The following CACNA1B variants were observed in gnomAD, a reference collection of about 807,000 sequenced individuals.
CACNA1B encodes the protein voltage-dependent N-type calcium channel subunit alpha-1B.
A neutral mutation model predicts 247.2 loss-of-function variants in CACNA1B; 70 were observed. The observed-to-expected ratio is 0.28, with a 90% confidence interval of 0.23 to 0.35. The LOEUF (loss-of-function observed/expected upper bound fraction) is 0.35, where lower values mean the gene tolerates loss of function less well. CACNA1B is among the 10% of genes least tolerant of loss of function. The pLI is 1.00. For synonymous variants in CACNA1B, 1,231 were observed against 1,294.4 expected (o/e 0.95, Z 1.05); for missense variants, 2,367 against 3,197.4 (o/e 0.74, Z 6.26).
intron 12 of CACNA1B, among the ~76,000 whole-genome samples, chr9:137,978,823 G>A (rs1260094337): frequency 6.6e-6 from 1 of 152,166 alleles, no homozygotes; most frequent in Admixed American, 6.5e-5. Context: ...GGGTGAGCCT[G>A]GCTTTCTGGC....
intron 42 of CACNA1B, among the ~76,000 whole-genome samples, chr9:138,116,135 C>T (rs1035675860): frequency 3.9e-5 from 6 of 152,238 alleles, no homozygotes; most frequent in Admixed American, 2.6e-4. Context: ...CTCATCGGCC[C>T]TCCGTGCCAG....
In CACNA1B at chr9:137,971,317, G is replaced by A. The variant is rs1958144556; in HGVS notation, c.1334-66G>A. The A allele has an allele frequency of 5.1e-6, 6 of 1,172,908 alleles. No individual in the cohort carries two copies. The highest frequency in any genetic ancestry group is 1.9e-4 in the Middle Eastern group (1 of 5,248). 72.7% of individuals were successfully genotyped at this position (1,172,908 alleles called of 1,614,324 possible). A position where few individuals can be genotyped will look rare whatever the true frequency, so the allele number is the denominator to read the frequency against. On this transcript the variant is annotated intron_variant, in intron 10 of 46. Transcript: ENST00000371372. This position sits in a 1 kb window ranked among gnomAD's most constrained non-coding sequence, Gnocchi z 4.4. ...TGTCCTCCAGAGTGCGTCTGTGGGG[G>A]TCCACAGGTGGGGTAGGCGGGTGCC...
intron 31 of CACNA1B, among the ~76,000 whole-genome samples, chr9:138,064,267 G>T (rs1589106495): frequency 1.3e-5 from 2 of 152,174 alleles, no homozygotes; most frequent in East Asian, 3.9e-4. Context: ...TCTGGATCCA[G>T]TGTGCAATTT....
intron 15 of CACNA1B, among the ~76,000 whole-genome samples, chr9:137,987,160 G>C (rs1958373910): frequency 6.6e-6 from 1 of 152,166 alleles, no homozygotes; most frequent in Non-Finnish European, 1.5e-5. Context: ...CTTAGCTCCT[G>C]AGACTTGCAT....
At chr9:138,068,724 G>A in intron 31 of CACNA1B, 1 of 477,518 alleles carries the variant, frequency 2.1e-6, no homozygotes, top group Non-Finnish European at 4.2e-6. Context: ...TTTCCAAGAG[G>A]GGCGGGAACT....
intron 10 of CACNA1B, among the ~76,000 whole-genome samples, chr9:137,960,398 C>A (rs1443892483): frequency 2.8e-4 from 9 of 31,658 alleles, no homozygotes; most frequent in Non-Finnish European, 4.4e-4. Flanking sequence ...GTTGGCCTGA[C>A]TGGGGGGGAG....
At chr9:138,080,682 A>T (rs1030636309) in intron 36 of CACNA1B, among the ~76,000 whole-genome samples, 2 of 152,222 alleles carry the variant, frequency 1.3e-5, no homozygotes, top group Non-Finnish European at 2.9e-5. Flanking sequence ...GGGGAAACTT[A>T]ATAGATGATG....
intron 38 of CACNA1B, among the ~76,000 whole-genome samples, 161 bp from the exon 39 acceptor site, chr9:138,105,538 T>C (rs927919016): frequency 6.6e-6 from 1 of 152,070 alleles, no homozygotes; most frequent in African/African-American, 2.4e-5. Flanking sequence ...GTGTGAATGC[T>C]GGCAAAACTC....
rs143693973 is a variant in CACNA1B at position 138,107,685 on chromosome 9, G to GT, written c.5428+1880dup. ...TCAACACAACAGCCAGAGTGATCAGGTTAAAAAAAAGACTAATGGCCGGGC... is the reference window on the plus strand; with the variant it reads ...TCAACACAACAGCCAGAGTGATCAGGTTTAAAAAAAAGACTAATGGCCGGGC... On this transcript the variant is annotated intron_variant, in intron 39 of 46. Transcript: ENST00000371372. 7.7e-3 allele frequency among the ~76,000 whole-genome samples: 1,168 copies of GT among 151,860 alleles called. 16 individuals carry two copies. Among genetic ancestry groups the GT allele is most frequent in the African/African-American group, 0.027 (1,120 of 41,418 alleles).
intron 20 of CACNA1B, among the ~76,000 whole-genome samples, chr9:138,026,983 T>C (rs547320865): frequency 1.3e-5 from 2 of 152,360 alleles, no homozygotes; most frequent in South Asian, 4.1e-4. Context: ...CGTGTAATGA[T>C]ATCTTGTTTA....
chr9:138,046,959 C>G lies in CACNA1B; in HGVS notation c.3469C>G (p.Leu1157Val). The change falls in exon 22 of 47, where the codon CTC (leucine) becomes GTC (valine). Residue 1157 changes from leucine to valine, a missense_variant. Around this residue, in one of 12 missense-constraint regions of CACNA1B, gnomAD observed 631 missense variants for 631.1 expected, o/e 1.00. Coordinates refer to ENST00000371372, the MANE Select transcript of CACNA1B (RefSeq NM_000718.4). ...VTMRYFEVVI[L>V]VVIALSSIAL... ...CATGAGGTACTTCGAGGTGGTCATT[C>G]TCGTGGTCATCGCCTTGAGCAGCAT... 1 of 1,613,658 alleles carries G rather than the reference C, an allele frequency of 6.2e-7. No individual in the cohort carries two copies. Among genetic ancestry groups the G allele is most frequent in the Middle Eastern group, 1.6e-4 (1 of 6,062 alleles).
At chr9:138,062,933 A>T (rs1959781036) in intron 31 of CACNA1B, among the ~76,000 whole-genome samples, 1 of 152,242 alleles carries the variant, frequency 6.6e-6, no homozygotes, top group Non-Finnish European at 1.5e-5. Flanking sequence ...CCCGCAGTAG[A>T]AGTGTGAGGT....
chr9:138,122,067 C>T lies in CACNA1B; in HGVS notation c.*68C>T, dbSNP rs1962122495. The T allele has an allele frequency of 2.1e-6, 3 of 1,424,640 alleles. No individual in the cohort carries two copies. The highest frequency in any genetic ancestry group is 1.9e-6 in the Non-Finnish European group (2 of 1,065,096). 88.2% of individuals were successfully genotyped at this position (1,424,640 alleles called of 1,614,324 possible). The stretch of plus-strand genomic sequence containing the variant: ...GTTCCAGTGGATGAGTTTTATCATC[C>T]ACACGGGGCAGCCGGCCCTCGGGGG... On this transcript the variant is annotated 3_prime_UTR_variant, in exon 47 of 47. Coordinates refer to ENST00000371372, the MANE Select transcript of CACNA1B (RefSeq NM_000718.4).
In CACNA1B at chr9:137,913,297, G is replaced by A; in HGVS notation, c.622+26G>A. 2 of 1,584,526 alleles carry A rather than the reference G, an allele frequency of 1.3e-6. No homozygotes were observed. The highest frequency in any genetic ancestry group is 2.2e-5 in the South Asian group (2 of 90,258). On this transcript the variant is annotated intron_variant, in intron 4 of 46. Transcript: ENST00000371372. This position sits in a 1 kb window ranked among gnomAD's most constrained non-coding sequence, Gnocchi z 5.2. ...GTGAGTCCAGCGAAGACAGGCCCAA[G>A]CCGGCTTGGAGTAACAACCTCCTCT...
chr9:138,120,912 C>G, intron 46 of CACNA1B, 31 bp downstream of exon 46: 1 of 1,538,326 alleles, frequency 6.5e-7, no homozygotes, highest in Non-Finnish European at 8.7e-7. Flanking sequence ...GGTCAGGGCC[C>G]AGCTGCCTCT....
chr9:138,062,208 C>T (rs546556253), intron 31 of CACNA1B, among the ~76,000 whole-genome samples: 221 of 152,280 alleles, frequency 1.5e-3, no homozygotes, highest in Non-Finnish European at 2.5e-3. Context: ...GTTTTCCCCC[C>T]CACACAGAGC....
At chr9:137,883,295 G>A (rs1286849753) in intron 3 of CACNA1B, among the ~76,000 whole-genome samples, 1 of 151,564 alleles carries the variant, frequency 6.6e-6, no homozygotes, top group African/African-American at 2.4e-5. Context: ...AGGGGCACTT[G>A]GCGGTTTGAA....
chr9:138,007,106 G>A lies in CACNA1B; in HGVS notation c.2092+222G>A, dbSNP rs1424934938. 6.6e-6 allele frequency among the ~76,000 whole-genome samples: 1 copy of A among 151,516 alleles called. No individual in the cohort carries two copies. Among genetic ancestry groups the A allele is most frequent in the Admixed American group, 6.6e-5 (1 of 15,218 alleles). ...GGAGCATGAGCTGCTGCGTGTGGGG[G>A]TATCCAGAGGTGGGGGTGGGTGCGG... On this transcript the variant is annotated intron_variant, in intron 16 of 46. Coordinates refer to ENST00000371372, the MANE Select transcript of CACNA1B (RefSeq NM_000718.4). This position sits in a 1 kb window ranked among gnomAD's most constrained non-coding sequence, Gnocchi z 4.1.
chr9:138,120,928 G>T lies in CACNA1B; in HGVS notation c.6489+47G>T, dbSNP rs571303078. 5.0e-5 allele frequency: 76 copies of T among 1,525,070 alleles called. No individual in the cohort carries two copies. The South Asian group carries it at 8.5e-4, about 17-fold the overall frequency. The allele number at this position is 1,525,070 out of a possible 1,614,324, so 94.5% of individuals were successfully genotyped here. A position where few individuals can be genotyped will look rare whatever the true frequency, so the allele number is the denominator to read the frequency against. On this transcript the variant is annotated intron_variant, in intron 46 of 46. Transcript: ENST00000371372. ...GTCAGGGCCCAGCTGCCTCTCCTCG[G>T]CCCAGCACCCCTGTCCCACAGGCTC...
Sources: gnomAD v4.1 joint callset for allele counts (sites outside exome capture counted in the v4.1 genomes callset) on GRCh38, gnomAD v4.1.1 for gene constraint, gnomAD v4.1.1 regional missense constraint, Gnocchi (gnomAD v3.1) non-coding constraint, MANE v1.5 for transcripts, NCBI Gene and HGNC (gene_info 2026-07-23, HGNC 2026-07-21) for gene names.